ARHGEF7: variants seen among roughly 807,000 people sequenced by gnomAD.
The protein encoded by ARHGEF7 is PAK-interacting exchange factor beta.
ARHGEF7 carries 33 observed loss-of-function variants against 109.8 expected under a neutral mutation model. The observed-to-expected ratio is 0.30, with a 90% CI of 0.23 to 0.40. ARHGEF7 has a LOEUF of 0.40. Among genes scored for constraint, ARHGEF7 ranks in the 10% least tolerant of loss-of-function variants. The pLI is 1.00. For synonymous variants in ARHGEF7, 458 were observed against 424.6 expected (o/e 1.08, Z -0.97); for missense variants, 938 against 1,098.5 (o/e 0.85, Z 2.07).
chr13:111,280,904 C>T, intron 15 of ARHGEF7: 1 of 478,192 alleles, frequency 2.1e-6, no homozygotes. Flanking sequence ...TCCTCACGCA[C>T]AGTTCAGAGG....
chr13:111,217,231 A>C (rs1304338137), intron 4 of ARHGEF7, among the ~76,000 whole-genome samples: 2 of 152,260 alleles, frequency 1.3e-5, no homozygotes, highest in African/African-American at 4.8e-5. Flanking sequence ...AGTACTGTAT[A>C]TGGTATCTGG....
In ARHGEF7 at chr13:111,232,363, C is replaced by A. The variant is rs573571865; in HGVS notation, c.671-842C>A. On this transcript the variant is annotated intron_variant, in intron 5 of 21. Coordinates refer to ENST00000646102, the MANE Select transcript of ARHGEF7 (RefSeq NM_001354046.2). ...ACCACCCCATAGAACTATGGAGAGA[C>A]AGACCCACCCGCACAGCCAGCGATG... is the stretch of plus-strand genomic sequence containing the variant. Among the ~76,000 whole-genome samples, 16 of 152,230 alleles carry A rather than the reference C, an allele frequency of 1.1e-4. No homozygotes were observed. The South Asian group carries it at 1.9e-3, about 18-fold the overall frequency.
chr13:111,215,776 G>T (rs1011058677), intron 4 of ARHGEF7, among the ~76,000 whole-genome samples: 37 of 152,094 alleles, frequency 2.4e-4, no homozygotes, highest in Admixed American at 1.9e-3. Context: ...TGGAGCCTGT[G>T]CCCTACTTGA....
intron 1 of ARHGEF7, among the ~76,000 whole-genome samples, chr13:111,143,032 T>C (rs831166): frequency 6.6e-6 from 1 of 151,372 alleles, no homozygotes; most frequent in Non-Finnish European, 1.5e-5. Flanking sequence ...TGGGTGGCAG[T>C]AGGACACTTC....
At chr13:111,240,622 T>C (rs74126766) in intron 6 of ARHGEF7, among the ~76,000 whole-genome samples, 4,193 of 152,316 alleles carry the variant, frequency 0.028, 193 homozygotes, top group African/African-American at 0.096. Flanking sequence ...TAATGTACTT[T>C]TTGAAAATTT....
chr13:111,123,845 G>C (rs916662633), intron 1 of ARHGEF7, among the ~76,000 whole-genome samples: 9 of 137,616 alleles, frequency 6.5e-5, no homozygotes, highest in African/African-American at 2.4e-4. Flanking sequence ...ACTGGCCATC[G>C]TTGGCTGGTG....
chr13:111,227,186 G>T (rs528826543), intron 5 of ARHGEF7, among the ~76,000 whole-genome samples: 42 of 152,226 alleles, frequency 2.8e-4, no homozygotes, highest in Admixed American at 7.2e-4. Context: ...AATAACAAAA[G>T]ATTTAGACTG....
intron 19 of ARHGEF7, chr13:111,292,920 G>T (rs2093334015): frequency 1.1e-5 from 11 of 987,024 alleles, no homozygotes; most frequent in Non-Finnish European, 1.3e-5. Context: ...GGCGTCACGT[G>T]TGTTCAGAGC....
At chr13:111,289,188 C>T (rs923475212) in intron 18 of ARHGEF7, among the ~76,000 whole-genome samples, 8 of 152,134 alleles carry the variant, frequency 5.3e-5, no homozygotes, top group Non-Finnish European at 7.3e-5. Context: ...CGCACCACCA[C>T]GCCCGGCTAA....
At chr13:111,260,835 A>T (rs1265272698) in intron 8 of ARHGEF7, among the ~76,000 whole-genome samples, 2 of 152,248 alleles carry the variant, frequency 1.3e-5, no homozygotes, top group African/African-American at 4.8e-5. Flanking sequence ...AAAAGTTAAA[A>T]AGCACAAGGA....
chr13:111,222,351 CT>C (rs1449631850), intron 5 of ARHGEF7, among the ~76,000 whole-genome samples: 1 of 152,132 alleles, frequency 6.6e-6, no homozygotes, highest in East Asian at 1.9e-4. Flanking sequence ...AAGGAATAAC[CT>C]TCTGTCCCTG....
rs903209689 is a variant in ARHGEF7 at position 111,275,572 on chromosome 13, T to G, written c.1313T>G (p.Leu438Arg). The change falls in exon 12 of 22, where the codon CTG (leucine) becomes CGG (arginine). Residue 438 changes from leucine (L) to arginine (R), a missense_variant. Transcript: ENST00000646102. ...QEVRKRKELE[L>R]QILTEAIRNW... ...GTCCGGAAGAGGAAAGAGCTTGAGCTGCAGATCCTGACGGAAGCCATCCGG... is the reference window on the plus strand; with the variant it reads ...GTCCGGAAGAGGAAAGAGCTTGAGCGGCAGATCCTGACGGAAGCCATCCGG... The G allele has an allele frequency of 2.5e-6, 4 of 1,614,010 alleles. No homozygotes were observed. The African/African-American group carries it at 5.3e-5, about 22-fold the overall frequency.
chr13:111,162,244 G>A (rs895294400), intron 2 of ARHGEF7, among the ~76,000 whole-genome samples: 1 of 152,106 alleles, frequency 6.6e-6, no homozygotes, highest in African/African-American at 2.4e-5. Context: ...AAACATTTTG[G>A]CTTTTCTATC....
At chr13:111,294,516 A>AT in intron 19 of ARHGEF7, 1 of 985,482 alleles carries the variant, frequency 1.0e-6, no homozygotes, top group South Asian at 4.7e-5. Flanking sequence ...AGTTAAAGGC[A>AT]TTTTGATGAT....
At chr13:111,132,002 G>T (rs2074780632) in intron 1 of ARHGEF7, among the ~76,000 whole-genome samples, 1 of 152,158 alleles carries the variant, frequency 6.6e-6, no homozygotes, top group Admixed American at 6.5e-5. Context: ...ACCCATGGAG[G>T]GGTGCATGCA....
chr13:111,273,703 A>T lies in ARHGEF7; in HGVS notation c.1074-111A>T. On this transcript the variant is annotated intron_variant, in intron 9 of 21. Coordinates refer to ENST00000646102, the MANE Select transcript of ARHGEF7 (RefSeq NM_001354046.2). This position sits in a 1 kb window ranked among gnomAD's most constrained non-coding sequence, Gnocchi z 4.5. ...TAAAAGCTGGAGCCTTCCAGATGTTAAAAGCAACACTTATGTTTCATAAAT... is the reference window on the plus strand; with the variant it reads ...TAAAAGCTGGAGCCTTCCAGATGTTTAAAGCAACACTTATGTTTCATAAAT... 1 of 1,465,460 alleles carries T rather than the reference A, an allele frequency of 6.8e-7. No individual in the cohort carries two copies. The highest frequency in any genetic ancestry group is 9.4e-7 in the Non-Finnish European group (1 of 1,065,912). 90.8% of individuals were successfully genotyped at this position (1,465,460 alleles called of 1,614,324 possible). A position where few individuals can be genotyped will look rare whatever the true frequency, so the allele number is the denominator to read the frequency against.
In ARHGEF7 at chr13:111,303,826, G is replaced by A. The variant is rs1261443232; in HGVS notation, c.*713G>A. 2 of 152,246 alleles carry A rather than the reference G, an allele frequency of 1.3e-5. No homozygotes were observed. The highest frequency in any genetic ancestry group is 2.4e-5 in the African/African-American group (1 of 41,458). 9.4% of individuals were successfully genotyped at this position (152,246 alleles called of 1,614,324 possible). A position where few individuals can be genotyped will look rare whatever the true frequency, so the allele number is the denominator to read the frequency against. ...ACGGCACTGCCGCATCCACCTAGAG[G>A]TGTTTGCTCTTGTCCGCTGTCTGAG... On this transcript the variant is annotated 3_prime_UTR_variant, in exon 22 of 22. Transcript: ENST00000646102.
rs1185009140 is a variant in ARHGEF7, at chr13:111,239,313, AT to A, written c.760-4558del. On this transcript the variant is annotated intron_variant, in intron 6 of 21. Coordinates refer to ENST00000646102, the MANE Select transcript of ARHGEF7 (RefSeq NM_001354046.2). This position sits in a 1 kb window ranked among gnomAD's most constrained non-coding sequence, Gnocchi z 4.3. ...GTAATAGGTAGCATCACTCTTTCTAATCTGTAAGTGTATAAAACGGTTATGT... is the reference window on the plus strand; with the variant it reads ...GTAATAGGTAGCATCACTCTTTCTAACTGTAAGTGTATAAAACGGTTATGT... Among the ~76,000 whole-genome samples, 1 of 152,158 alleles carries A rather than the reference AT, an allele frequency of 6.6e-6. No homozygotes were observed. Among genetic ancestry groups the A allele is most frequent in the Non-Finnish European group, 1.5e-5 (1 of 68,034 alleles).
intron 2 of ARHGEF7, among the ~76,000 whole-genome samples, chr13:111,199,423 C>T (rs1223820663): frequency 1.3e-5 from 2 of 152,180 alleles, no homozygotes; most frequent in Admixed American, 6.5e-5. Flanking sequence ...GATATTTCTG[C>T]TAGTAGTCGT....
Sources: gnomAD v4.1 joint callset for allele counts (sites outside exome capture counted in the v4.1 genomes callset) on GRCh38, gnomAD v4.1.1 for gene constraint, Gnocchi (gnomAD v3.1) non-coding constraint, MANE v1.5 for transcripts, NCBI Gene and HGNC (gene_info 2026-07-23, HGNC 2026-07-21) for gene names.